The following ATXN1 variants were observed in gnomAD, a reference collection of about 807,000 sequenced individuals.
ATXN1 encodes the protein ataxin-1.
Under a neutral mutation model 56.4 loss-of-function variants are expected in ATXN1, and 8 were observed. The observed-to-expected ratio is 0.14, with a 90% CI of 0.08 to 0.26. The LOEUF (loss-of-function observed/expected upper bound fraction) is 0.26, where lower values mean the gene tolerates loss of function less well. ATXN1 is among the 10% of genes least tolerant of loss of function. The pLI, the probability that ATXN1 is intolerant of heterozygous loss-of-function variation, is 1.00. For synonymous variants in ATXN1, 514 were observed against 494.6 expected, an observed-to-expected ratio of 1.04 and a Z score of -0.52; for missense variants, 987 against 1,106.5, an observed-to-expected ratio of 0.89 and a Z score of 1.53.
chr6:16,744,427 G>A (rs1760453740), intron 2 of ATXN1, among the ~76,000 whole-genome samples: 1 of 152,092 alleles, frequency 6.6e-6, no homozygotes. Flanking sequence ...TTAGACTTTG[G>A]CCAGGCCTGA....
chr6:16,425,789 GC>G (rs1166184638), intron 6 of ATXN1, among the ~76,000 whole-genome samples: 2 of 152,152 alleles, frequency 1.3e-5, no homozygotes, highest in African/African-American at 4.8e-5. Flanking sequence ...TCCCTCCTAT[GC>G]CCATCACCTG....
intron 6 of ATXN1, among the ~76,000 whole-genome samples, chr6:16,352,400 GT>G (rs2113462050): frequency 6.6e-6 from 1 of 152,300 alleles, no homozygotes; most frequent in Admixed American, 6.5e-5. Context: ...GGTGGGTTTT[GT>G]TTTCTTTCAC....
chr6:16,330,625 A>G (rs1760965956), intron 6 of ATXN1, among the ~76,000 whole-genome samples: 1 of 151,662 alleles, frequency 6.6e-6, no homozygotes, highest in East Asian at 2.0e-4. Context: ...GGCCTCAGTG[A>G]TCCACCCACT....
intron 3 of ATXN1, among the ~76,000 whole-genome samples, chr6:16,651,543 CAA>C (rs567160469): frequency 2.3e-5 from 3 of 131,536 alleles, no homozygotes; most frequent in African/African-American, 2.8e-5. Context: ...GACTCTGTCT[CAA>C]AAAAAAAAAA....
intron 2 of ATXN1, among the ~76,000 whole-genome samples, chr6:16,728,684 T>C (rs1308523943): frequency 6.6e-6 from 1 of 152,226 alleles, no homozygotes; most frequent in Non-Finnish European, 1.5e-5. Context: ...TTACATTGAC[T>C]ATAATCCCCA....
intron 2 of ATXN1, among the ~76,000 whole-genome samples, chr6:16,718,823 C>G (rs1201592126): frequency 1.3e-5 from 2 of 152,230 alleles, no homozygotes; most frequent in Non-Finnish European, 2.9e-5. Flanking sequence ...GATGTGTGCA[C>G]ACAATGTATA....
intron 6 of ATXN1, among the ~76,000 whole-genome samples, chr6:16,361,104 A>T (rs1040575691): frequency 6.6e-6 from 1 of 152,228 alleles, no homozygotes; most frequent in Admixed American, 6.5e-5. Flanking sequence ...CTGAGCCCCT[A>T]TGGAGAATAA....
At chr6:16,602,687 T>C (rs1328916352) in intron 3 of ATXN1, among the ~76,000 whole-genome samples, 4 of 152,136 alleles carry the variant, frequency 2.6e-5, no homozygotes. Context: ...CTTGACCTCA[T>C]GAACCACCCG....
intron 2 of ATXN1, among the ~76,000 whole-genome samples, chr6:16,709,242 T>C (rs962765061): frequency 5.3e-5 from 8 of 152,230 alleles, no homozygotes; most frequent in Non-Finnish European, 1.0e-4. Context: ...GATATCACTA[T>C]AAATCCTACA....
intron 5 of ATXN1, among the ~76,000 whole-genome samples, chr6:16,491,898 G>T (rs375466685): frequency 7.2e-5 from 11 of 152,172 alleles, no homozygotes; most frequent in African/African-American, 2.2e-4. Context: ...CAAGTCATAT[G>T]GCAAGGAACT....
At chr6:16,564,484 C>T (rs148936705) in intron 4 of ATXN1, among the ~76,000 whole-genome samples, 60 of 152,078 alleles carry the variant, frequency 3.9e-4, no homozygotes, top group African/African-American at 1.4e-3. Context: ...AATGAATAAA[C>T]AAAATAAGGT....
At chr6:16,546,854 CACG>C (rs1325301959) in intron 4 of ATXN1, among the ~76,000 whole-genome samples, 3 of 152,130 alleles carry the variant, frequency 2.0e-5, no homozygotes, top group Non-Finnish European at 2.9e-5. Flanking sequence ...AGAGTATTGC[CACG>C]ACAAGTTTAT....
chr6:16,699,631 A>C (rs1292665723), intron 2 of ATXN1, among the ~76,000 whole-genome samples: 2 of 152,202 alleles, frequency 1.3e-5, no homozygotes, highest in East Asian at 3.8e-4. Context: ...GGGAGAGGTA[A>C]GCCAACCTAC....
intron 2 of ATXN1, among the ~76,000 whole-genome samples, chr6:16,721,628 TA>T (rs560970569): frequency 2.2e-4 from 33 of 152,214 alleles, no homozygotes; most frequent in Admixed American, 1.8e-3. Context: ...CCCTGCCTCT[TA>T]AAAAATAAAT....
intron 6 of ATXN1, among the ~76,000 whole-genome samples, chr6:16,431,758 T>G (rs1172317997): frequency 1.3e-5 from 2 of 152,226 alleles, no homozygotes; most frequent in East Asian, 3.8e-4. Context: ...ATCAAAATCC[T>G]TCTTCGCCAC....
At chr6:16,535,948 C>T (rs1386501138) in intron 4 of ATXN1, among the ~76,000 whole-genome samples, 10 of 152,228 alleles carry the variant, frequency 6.6e-5, no homozygotes, top group East Asian at 5.8e-4. Context: ...GGTTGGCTCA[C>T]GCCTGTAATC....
chr6:16,577,544 A>G (rs12524663), intron 4 of ATXN1, among the ~76,000 whole-genome samples: 59 of 150,556 alleles, frequency 3.9e-4, no homozygotes, highest in African/African-American at 1.3e-3. Context: ...AAAAAAAAGG[A>G]AAAAAAATCA....
At chr6:16,700,623 C>A (rs985935912) in intron 2 of ATXN1, among the ~76,000 whole-genome samples, 1 of 152,096 alleles carries the variant, frequency 6.6e-6, no homozygotes, top group Non-Finnish European at 1.5e-5. Flanking sequence ...CCGACCCAAA[C>A]AATATACCCC....
chr6:16,310,050 C>T (rs1420107281), intron 7 of ATXN1, among the ~76,000 whole-genome samples: 2 of 147,312 alleles, frequency 1.4e-5, no homozygotes, highest in African/African-American at 2.5e-5. Context: ...CTAGACTGGG[C>T]GACAATAGAG....
Sources: allele counts gnomAD v4.1 joint callset (sites outside exome capture counted in the v4.1 genomes callset), GRCh38; gene constraint gnomAD v4.1.1; transcripts MANE v1.5; gene names NCBI Gene and HGNC (gene_info 2026-07-23, HGNC 2026-07-21).